Variants in SLC14A2 observed in about 807,000 individuals in gnomAD.
SLC14A2 encodes urea transporter 2.
A neutral mutation model predicts 104.6 loss-of-function variants in SLC14A2; 91 were observed. The observed-to-expected ratio is 0.87, with a 90% confidence interval of 0.73 to 1.04. SLC14A2 has a LOEUF of 1.04. Among genes scored for constraint, SLC14A2 ranks in the 50% least tolerant of loss-of-function variants. The pLI is 0.00. For synonymous variants in SLC14A2, 476 were observed against 466.4 expected (o/e 1.02, Z -0.27); for missense variants, 1,189 against 1,156.0 (o/e 1.03, Z -0.41).
At chr18:45,657,153 TA>T (rs1458933759) in intron 10 of SLC14A2, among the ~76,000 whole-genome samples, 5 of 152,140 alleles carry the variant, frequency 3.3e-5, no homozygotes, top group Non-Finnish European at 7.4e-5. Context: ...TAGGCCATTA[TA>T]TTCCAAAGCA....
chr18:45,275,642 T>TTA (rs1240032559), intron 1 of SLC14A2, among the ~76,000 whole-genome samples: 3 of 152,194 alleles, frequency 2.0e-5, no homozygotes, highest in Non-Finnish European at 2.9e-5. Flanking sequence ...TTGTGCATGC[T>TTA]TATTTAAGGT....
chr18:45,527,436 A>C (rs1486768733), intron 2 of SLC14A2, among the ~76,000 whole-genome samples: 4 of 152,244 alleles, frequency 2.6e-5, no homozygotes, highest in Admixed American at 2.6e-4. Context: ...AAAACAGCTT[A>C]AGATAAAAGC....
intron 1 of SLC14A2, among the ~76,000 whole-genome samples, chr18:45,338,530 T>A (rs2085359152): frequency 1.3e-5 from 2 of 151,780 alleles, no homozygotes. Context: ...GCTGAACCAA[T>A]GTATACCTTT....
intron 2 of SLC14A2, among the ~76,000 whole-genome samples, chr18:45,492,281 G>A (rs535397009): frequency 2.0e-5 from 3 of 152,196 alleles, no homozygotes; most frequent in Non-Finnish European, 4.4e-5. Flanking sequence ...AATTGTATTA[G>A]TTTGTTTTCA....
At chr18:45,442,037 T>C (rs1312566680) in intron 1 of SLC14A2, among the ~76,000 whole-genome samples, 1 of 152,158 alleles carries the variant, frequency 6.6e-6, no homozygotes, top group Admixed American at 6.5e-5. Flanking sequence ...ATGTATCATA[T>C]CTGGCTTGTT....
At chr18:45,588,045 T>G (rs1019651470) in intron 2 of SLC14A2, among the ~76,000 whole-genome samples, 2 of 152,146 alleles carry the variant, frequency 1.3e-5, no homozygotes, top group African/African-American at 2.4e-5. Flanking sequence ...TGACCCTTTT[T>G]TTAATCCTTG....
chr18:45,450,483 A>G (rs2086840424), intron 1 of SLC14A2, among the ~76,000 whole-genome samples: 1 of 152,232 alleles, frequency 6.6e-6, no homozygotes, highest in Non-Finnish European at 1.5e-5. Flanking sequence ...GGGGTTTGAC[A>G]TAATTCCCCT....
chr18:45,494,292 A>G (rs2043053080), intron 2 of SLC14A2, among the ~76,000 whole-genome samples: 1 of 152,212 alleles, frequency 6.6e-6, no homozygotes. Context: ...AACTCAGGCT[A>G]TCCTTCATCA....
intron 1 of SLC14A2, among the ~76,000 whole-genome samples, chr18:45,217,627 G>T (rs192532196): frequency 9.9e-5 from 15 of 152,222 alleles, no homozygotes; most frequent in African/African-American, 3.1e-4. Context: ...CACAGTCTTT[G>T]TTATCACCAA....
chr18:45,307,499 G>C (rs925435291), intron 1 of SLC14A2, among the ~76,000 whole-genome samples: 1 of 150,106 alleles, frequency 6.7e-6, no homozygotes, highest in Non-Finnish European at 1.5e-5. Context: ...GAAGCACAAA[G>C]AATTCAGAGG....
At chr18:45,518,772 A>C (rs940464469) in intron 2 of SLC14A2, among the ~76,000 whole-genome samples, 2 of 152,228 alleles carry the variant, frequency 1.3e-5, no homozygotes, top group Non-Finnish European at 2.9e-5. Context: ...TTTCTTAGAA[A>C]AAAAGAGCAG....
chr18:45,349,750 T>G (rs1293200965), intron 1 of SLC14A2, among the ~76,000 whole-genome samples: 1 of 152,152 alleles, frequency 6.6e-6, no homozygotes, highest in Non-Finnish European at 1.5e-5. Context: ...CTCCAGATTA[T>G]AAAAAATTAA....
chr18:45,470,297 G>C (rs970936676), intron 1 of SLC14A2, among the ~76,000 whole-genome samples: 25 of 152,012 alleles, frequency 1.6e-4, no homozygotes, highest in East Asian at 3.9e-4. Context: ...TGATTTGCTT[G>C]CTTGCCTTTT....
At chr18:45,368,125 C>G (rs1011474034) in intron 1 of SLC14A2, among the ~76,000 whole-genome samples, 5 of 151,988 alleles carry the variant, frequency 3.3e-5, no homozygotes, top group Non-Finnish European at 5.9e-5. Flanking sequence ...GATGGAGAGA[C>G]ACACTCTGAT....
chr18:45,215,563 G>T (rs755670105), intron 1 of SLC14A2, among the ~76,000 whole-genome samples: 29 of 152,192 alleles, frequency 1.9e-4, no homozygotes, highest in Admixed American at 3.9e-4. Flanking sequence ...CTCTGGAGAG[G>T]ATATTAGTCC....
At chr18:45,426,122 G>A (rs568347549) in intron 1 of SLC14A2, among the ~76,000 whole-genome samples, 5 of 152,070 alleles carry the variant, frequency 3.3e-5, no homozygotes, top group African/African-American at 7.2e-5. Context: ...TCCCTGGCAC[G>A]GCATCGATGG....
rs553400158 is a variant in SLC14A2, at chr18:45,280,440, G to A, written c.-125+67249G>A. 3.9e-5 allele frequency among the ~76,000 whole-genome samples: 6 copies of A among 152,258 alleles called. No individual in the cohort carries two copies. In the South Asian group the frequency reaches 6.2e-4, roughly 16 times the overall value. On this transcript the variant is annotated intron_variant, in intron 1 of 20. Transcript: ENST00000586448. ...GGCAGGGAATGGTTTGATTTTGGTC[G>A]ATTGAGGTTACACAATTGTGGGAGT...
intron 1 of SLC14A2, among the ~76,000 whole-genome samples, chr18:45,277,525 C>T (rs1599636837): frequency 1.3e-5 from 2 of 152,190 alleles, no homozygotes; most frequent in East Asian, 1.9e-4. Context: ...CCTCCTACCT[C>T]AGCCTCCTGA....
chr18:45,484,633 T>C (rs980380314), intron 2 of SLC14A2, among the ~76,000 whole-genome samples: 1 of 152,166 alleles, frequency 6.6e-6, no homozygotes, highest in Admixed American at 6.5e-5. Context: ...GGTTTCAAGG[T>C]TGTTCTCCAC....
Sources: gnomAD v4.1 joint callset for allele counts (sites outside exome capture counted in the v4.1 genomes callset) on GRCh38, gnomAD v4.1.1 for gene constraint, MANE v1.5 for transcripts, NCBI Gene and HGNC (gene_info 2026-07-23, HGNC 2026-07-21) for gene names.